MPRIP: variants seen among roughly 807,000 people sequenced by gnomAD.
MPRIP encodes the protein myosin phosphatase Rho interacting protein, also known as myosin phosphatase Rho-interacting protein.
A neutral mutation model predicts 234.9 loss-of-function variants in MPRIP; 59 were observed. The ratio of observed to expected loss-of-function variants is 0.25; its 90% CI spans 0.20 to 0.31. The LOEUF is 0.31. Ranked by LOEUF, MPRIP falls within the 10% of genes least tolerant of loss-of-function variation. The pLI is 1.00. For synonymous variants in MPRIP, 1,144 were observed against 1,263.9 expected, an observed-to-expected ratio of 0.91 and a Z score of 2.01; for missense variants, 2,436 against 3,071.0, an observed-to-expected ratio of 0.79 and a Z score of 4.89.
intron 1 of MPRIP, among the ~76,000 whole-genome samples, chr17:17,056,886 T>C (rs977883114): frequency 6.6e-6 from 1 of 152,182 alleles, no homozygotes; most frequent in Non-Finnish European, 1.5e-5. Context: ...TATGTGACCT[T>C]TTGTCTGTGG....
intron 1 of MPRIP, among the ~76,000 whole-genome samples, chr17:17,057,423 G>A (rs942128904): frequency 1.3e-5 from 2 of 152,180 alleles, no homozygotes; most frequent in African/African-American, 4.8e-5. Flanking sequence ...CTTAAACATT[G>A]TTGGAAGGAG....
At chr17:17,150,859 T>TC (rs1047310653) in intron 12 of MPRIP, among the ~76,000 whole-genome samples, 7 of 151,738 alleles carry the variant, frequency 4.6e-5, no homozygotes, top group Non-Finnish European at 8.8e-5. Context: ...TCTTTTTTTT[T>TC]CCCCCAAGAC....
chr17:17,180,720 A>AACC, intron 23 of MPRIP: 1 of 1,500,116 alleles, frequency 6.7e-7, no homozygotes, highest in Non-Finnish European at 9.3e-7. Flanking sequence ...CCCCATGGCA[A>AACC]ACGCCTGTGT....
chr17:17,061,385 G>A (rs190290331), intron 1 of MPRIP, among the ~76,000 whole-genome samples: 1 of 152,210 alleles, frequency 6.6e-6, no homozygotes, highest in African/African-American at 2.4e-5. Context: ...TTATTAAACA[G>A]CCTATTTGCT....
At chr17:17,089,532 G>C (rs2089667036) in intron 3 of MPRIP, among the ~76,000 whole-genome samples, 1 of 152,032 alleles carries the variant, frequency 6.6e-6, no homozygotes, top group Admixed American at 6.6e-5. Context: ...CAGTGGCGCA[G>C]TCATAGCTCA....
chr17:17,065,884 A>G (rs536991057), intron 1 of MPRIP, among the ~76,000 whole-genome samples: 1 of 152,184 alleles, frequency 6.6e-6, no homozygotes, highest in Non-Finnish European at 1.5e-5. Flanking sequence ...TGGTATATAC[A>G]CCTAAGTATT....
At chr17:17,171,890 G>A (rs764094079) in intron 17 of MPRIP, 25 bp downstream of exon 17, 2 of 1,595,848 alleles carry the variant, frequency 1.3e-6, no homozygotes, top group South Asian at 2.3e-5. Context: ...TAACCCTGAG[G>A]GCAGGGTGGG....
At chr17:17,079,131 A>C (rs143782413) in intron 3 of MPRIP, among the ~76,000 whole-genome samples, 1 of 152,252 alleles carries the variant, frequency 6.6e-6, no homozygotes, top group Non-Finnish European at 1.5e-5. Flanking sequence ...AAAGGTCAGA[A>C]GTGGGCGTGT....
intron 1 of MPRIP, among the ~76,000 whole-genome samples, chr17:17,062,449 C>T (rs2143937552): frequency 6.6e-6 from 1 of 152,320 alleles, no homozygotes; most frequent in South Asian, 2.1e-4. Context: ...AATCTTTGTC[C>T]ATCCTTACAT....
chr17:17,138,764 A>G lies in MPRIP; in HGVS notation c.1250+335A>G, dbSNP rs762610477. On this transcript the variant is annotated intron_variant, in intron 7 of 23. Coordinates refer to ENST00000651222, the MANE Select transcript of MPRIP (RefSeq NM_001364716.4). The surrounding 1 kb of genome is among the most constrained non-coding windows in gnomAD (Gnocchi z 5.8). ...GATCTTTTCCTCCTGGGCCATTTCT[A>G]TTCTCTGAAGTGGCATGGAGGCAGG... 3.9e-5 allele frequency among the ~76,000 whole-genome samples: 6 copies of G among 152,046 alleles called. No homozygotes were observed. The highest frequency in any genetic ancestry group is 7.4e-5 in the Non-Finnish European group (5 of 67,994).
At chr17:17,077,865 C>T in intron 2 of MPRIP, 146 bp from the exon 3 acceptor site, 1 of 769,830 alleles carries the variant, frequency 1.3e-6, no homozygotes, top group African/African-American at 1.7e-5. Context: ...CCTCGGGTCC[C>T]TCTTTTCCTG....
At chr17:17,156,315 C>T (rs1192738665) in intron 13 of MPRIP, among the ~76,000 whole-genome samples, 3 of 152,246 alleles carry the variant, frequency 2.0e-5, no homozygotes, top group Admixed American at 2.0e-4. Context: ...GTTTGGCTCT[C>T]ACATGAAAGT....
At chr17:17,183,551 C>T (rs1451417025) in intron 23 of MPRIP, among the ~76,000 whole-genome samples, 1 of 152,232 alleles carries the variant, frequency 6.6e-6, no homozygotes, top group Non-Finnish European at 1.5e-5. Flanking sequence ...AGCAGCAGAA[C>T]CCTGTATTTA....
intron 2 of MPRIP, 79 bp downstream of exon 2, chr17:17,075,866 G>A (rs2089316536): frequency 7.2e-7 from 1 of 1,386,042 alleles, no homozygotes; most frequent in Admixed American, 1.7e-5. Flanking sequence ...AGTGGAAGAG[G>A]GAGATGGAGA....
chr17:17,066,617 C>G (rs556914535), intron 1 of MPRIP, among the ~76,000 whole-genome samples: 1 of 151,014 alleles, frequency 6.6e-6, no homozygotes, highest in Admixed American at 6.6e-5. Context: ...GTGGATTCCT[C>G]AAACCACGGA....
rs1002404869 is a variant in MPRIP at position 17,190,171 on chromosome 17, A to G, written c.*5277A>G. 7 of 152,330 alleles carry G rather than the reference A, an allele frequency of 4.6e-5. No homozygotes were observed. The highest frequency in any genetic ancestry group is 1.7e-4 in the African/African-American group (7 of 41,564). 9.4% of individuals were successfully genotyped at this position (152,330 alleles called of 1,614,324 possible). The stretch of plus-strand genomic sequence containing the variant: ...ACTTCTTCCTTCCCCTGGCTTCTCC[A>G]TGCCACCACCCACTTTAAAGATGTA... On this transcript the variant is annotated 3_prime_UTR_variant, in exon 24 of 24. Transcript: ENST00000651222.
chr17:17,129,249 C>T (rs934129985), intron 4 of MPRIP, among the ~76,000 whole-genome samples: 2 of 152,122 alleles, frequency 1.3e-5, no homozygotes, highest in African/African-American at 4.8e-5. Context: ...TGGGTGAAGT[C>T]TGGACTTCCC....
chr17:17,045,083 C>T (rs1006278434), intron 1 of MPRIP, among the ~76,000 whole-genome samples: 2 of 152,170 alleles, frequency 1.3e-5, no homozygotes, highest in Non-Finnish European at 2.9e-5. Context: ...CTCAACCAAT[C>T]GGTTCCCATC....
In MPRIP at chr17:17,164,129, A is replaced by G. The variant is rs1386179518; in HGVS notation, c.2538A>G (p.Pro846=). 50 of 1,304,168 alleles carry G rather than the reference A, an allele frequency of 3.8e-5. No homozygotes were observed. The East Asian group carries it at 2.3e-3, about 61-fold the overall frequency. 80.8% of individuals were successfully genotyped at this position (1,304,168 alleles called of 1,614,324 possible). A position where few individuals can be genotyped will look rare whatever the true frequency, so the allele number is the denominator to read the frequency against. ...TTAAGACTGAAGTGGCCGCCTCCCC[A>G]TCGGGTGCCTGGCAGAGGCTCCATA... ...YVLQTEVAAS[P]SGAWQRLHRV... Residue 846 remains proline, a synonymous_variant, in exon 16 of 24, where the codon CCA becomes CCG. Coordinates refer to ENST00000651222, the MANE Select transcript of MPRIP (RefSeq NM_001364716.4).
Sources: gnomAD v4.1 joint callset for allele counts (sites outside exome capture counted in the v4.1 genomes callset) on GRCh38, gnomAD v4.1.1 for gene constraint, Gnocchi (gnomAD v3.1) non-coding constraint, MANE v1.5 for transcripts, NCBI Gene and HGNC (gene_info 2026-07-23, HGNC 2026-07-21) for gene names.